Variants in ITGB2 observed in about 807,000 individuals in gnomAD.
ITGB2 encodes integrin subunit beta 2, also known as integrin beta-2.
ITGB2 carries 56 observed loss-of-function variants against 86.8 expected under a neutral mutation model. The observed-to-expected ratio is 0.65, with a 90% CI of 0.52 to 0.81. The LOEUF is 0.81. Among genes scored for constraint, ITGB2 ranks in the 30% least tolerant of loss-of-function variants. The probability of loss-of-function intolerance (pLI) is 0.00; values close to 1 mark genes in which losing one functional copy is unlikely to be tolerated. For missense variants in ITGB2, 948 were observed against 1,061.2 expected (o/e 0.89, Z 1.48); for synonymous variants, 457 against 450.4 (o/e 1.01, Z -0.19).
At chr21:44,888,252 C>T (rs990897992) in intron 14 of ITGB2, among the ~76,000 whole-genome samples, 1 of 152,258 alleles carries the variant, frequency 6.6e-6, no homozygotes, top group Non-Finnish European at 1.5e-5. Context: ...CCCTGGGCCC[C>T]TCCAGGGCTG....
At chr21:44,918,149 G>A (rs542904059) in intron 1 of ITGB2, among the ~76,000 whole-genome samples, 30 of 152,356 alleles carry the variant, frequency 2.0e-4, no homozygotes, top group African/African-American at 6.0e-4. Flanking sequence ...GCTTCCCAGC[G>A]ACCTGGCCTG....
At chr21:44,906,695 G>A (rs533709751) in intron 4 of ITGB2, among the ~76,000 whole-genome samples, 43 of 152,272 alleles carry the variant, frequency 2.8e-4, no homozygotes, top group Admixed American at 2.6e-3. Context: ...ACTGGGCACC[G>A]ATGGTAAGGG....
chr21:44,917,887 C>T (rs1341383176), intron 1 of ITGB2, among the ~76,000 whole-genome samples: 4 of 152,226 alleles, frequency 2.6e-5, no homozygotes, highest in East Asian at 1.9e-4. Flanking sequence ...GGAGAGAACA[C>T]GCAGCCCGGG....
intron 3 of ITGB2, 54 bp from the exon 4 acceptor site, chr21:44,907,149 A>T (rs1158487284): frequency 3.6e-6 from 5 of 1,398,426 alleles, no homozygotes; most frequent in African/African-American, 1.4e-5. Flanking sequence ...GACCTGCAGG[A>T]GGCTGACTGG....
Position 44,919,691 on chromosome 21 carries a change from C to A in ITGB2, c.-4+1130G>T, listed in dbSNP as rs1439525587. On this transcript the variant is annotated intron_variant, in intron 1 of 15. Coordinates refer to ENST00000652462, the MANE Select transcript of ITGB2 (RefSeq NM_000211.5). ...CAGCTCGCTCCCAGGCTGAGCTCTCCGGCCATCCCCCCCCTTCCCCATTGC... is the reference window on the plus strand; with the variant it reads ...CAGCTCGCTCCCAGGCTGAGCTCTCAGGCCATCCCCCCCCTTCCCCATTGC... Among the ~76,000 whole-genome samples the A allele has an allele frequency of 3.9e-5, 6 of 152,208 alleles. No homozygotes were observed. In the South Asian group the frequency reaches 1.2e-3, roughly 31 times the overall value.
chr21:44,907,483 C>T (rs958492296), intron 3 of ITGB2, among the ~76,000 whole-genome samples: 8 of 152,350 alleles, frequency 5.3e-5, no homozygotes, highest in East Asian at 3.9e-4. Flanking sequence ...CCCAAAGGAA[C>T]GTGGCAGTCC....
chr21:44,886,133 C>T lies in ITGB2; in HGVS notation c.*235G>A. ...GAAACACGCACCTAACCTCACCAAC[C>T]TCAAGCCCTCCCTCCTCAAGTCTCC... On this transcript the variant is annotated 3_prime_UTR_variant, in exon 16 of 16. Coordinates refer to ENST00000652462, the MANE Select transcript of ITGB2 (RefSeq NM_000211.5). 1 of 588,428 alleles carries T rather than the reference C, an allele frequency of 1.7e-6. No homozygotes were observed. Among genetic ancestry groups the T allele is most frequent in the Non-Finnish European group, 3.1e-6 (1 of 327,596 alleles). The allele number at this position is 588,428 out of a possible 1,614,324, so 36.5% of individuals were successfully genotyped here.
At chr21:44,922,658 GA>G (rs10532717), upstream of ITGB2, among the ~76,000 whole-genome samples, 7,792 of 114,358 alleles carry the variant, frequency 0.068, 207 homozygotes, top group African/African-American at 0.079. Flanking sequence ...GGGTAACTGA[GA>G]AAAAAAAAAA....
At chr21:44,913,273 C>T (rs996874420) in intron 1 of ITGB2, among the ~76,000 whole-genome samples, 2 of 152,088 alleles carry the variant, frequency 1.3e-5, no homozygotes, top group South Asian at 4.1e-4. Context: ...TCCCTGGGGC[C>T]GCAGACATGA....
At position 44,886,749 on chromosome 21, in the gene ITGB2, G is replaced by C; in HGVS notation, c.2234C>G (p.Ser745Cys). Residue 745 changes from serine (S) to cysteine (C), a missense_variant, in exon 15 of 16, where the codon TCC becomes TGC. Ser to Cys is a moderately radical substitution (Grantham distance 112). Transcript: ENST00000652462. Reference protein sequence around the residue: ...YRRFEKEKLKSQWNNDNPLFK... With the variant: ...YRRFEKEKLKCQWNNDNPLFK... Reference sequence around the variant, plus strand: ...ACGGCCACTTACATTGTTCCACTGGGACTTGAGCTTCTCCTTCTCAAAGCG... The same window carrying C: ...ACGGCCACTTACATTGTTCCACTGGCACTTGAGCTTCTCCTTCTCAAAGCG... 6.2e-7 allele frequency: 1 copy of C among 1,614,100 alleles called. No homozygotes were observed. Among genetic ancestry groups the C allele is most frequent in the Non-Finnish European group, 8.5e-7 (1 of 1,180,026 alleles).
chr21:44,894,054 A>G, intron 9 of ITGB2: 1 of 248,642 alleles, frequency 4.0e-6, no homozygotes, highest in South Asian at 4.7e-5. Flanking sequence ...GACAGACGGA[A>G]ATTGAGAGGA....
chr21:44,886,648 G>T, intron 15 of ITGB2, 88 bp downstream of exon 15: 2 of 1,569,072 alleles, frequency 1.3e-6, no homozygotes, highest in South Asian at 1.1e-5. Flanking sequence ...AGCCACACAC[G>T]GGTGTCCACG....
Position 44,889,995 on chromosome 21 carries a change from T to C in ITGB2, c.1640A>G (p.Gln547Arg). 1 of 1,613,232 alleles carries C rather than the reference T, an allele frequency of 6.2e-7. No homozygotes were observed. The highest frequency in any genetic ancestry group is 8.5e-7 in the Non-Finnish European group (1 of 1,180,006). ...DTINCERYNG[Q>R]VCGGPGRGLC... ...GGGCTCACCCGGGCCGCCGCAGACC[T>C]GGCCGTTGTAGCGCTCACAGTTGAT... Residue 547 changes from glutamine (Q) to arginine (R), a missense_variant, in exon 12 of 16, where the codon CAG becomes CGG. Gln to Arg is a conservative substitution (Grantham distance 43, BLOSUM62 1). Coordinates refer to ENST00000652462, the MANE Select transcript of ITGB2 (RefSeq NM_000211.5).
intron 1 of ITGB2, among the ~76,000 whole-genome samples, chr21:44,915,740 A>G (rs979417439): frequency 1.3e-5 from 2 of 152,220 alleles, no homozygotes; most frequent in African/African-American, 4.8e-5. Context: ...GGCTCCAGGA[A>G]ATCCAGGGAC....
At chr21:44,907,447 A>C (rs553833873) in intron 3 of ITGB2, among the ~76,000 whole-genome samples, 1 of 152,322 alleles carries the variant, frequency 6.6e-6, no homozygotes, top group African/African-American at 2.4e-5. Flanking sequence ...CATCAGCAGA[A>C]CCTTTGTCCA....
At chr21:44,896,857 C>T (rs2083877907) in intron 8 of ITGB2, among the ~76,000 whole-genome samples, 1 of 152,266 alleles carries the variant, frequency 6.6e-6, no homozygotes, top group African/African-American at 2.4e-5. Flanking sequence ...CTCTACCTGC[C>T]TCCAGTGCCT....
At chr21:44,924,102 A>G (rs1233566361), upstream of ITGB2, among the ~76,000 whole-genome samples, 1 of 152,124 alleles carries the variant, frequency 6.6e-6, no homozygotes, top group Non-Finnish European at 1.5e-5. Flanking sequence ...CACAGCCCCA[A>G]ACAGCAAATA....
At position 44,919,771 on chromosome 21, in the gene ITGB2, C is replaced by T. The variant is rs192963880; in HGVS notation, c.-4+1050G>A. Among the ~76,000 whole-genome samples the T allele has an allele frequency of 6.8e-3, 1,031 of 152,308 alleles. 5 individuals are homozygous for T. The highest frequency in any genetic ancestry group is 0.023 in the African/African-American group (967 of 41,570). On this transcript the variant is annotated intron_variant, in intron 1 of 15. Transcript: ENST00000652462. ...AGGAACTGACAGAGGAGAGGGGCCCCGGATGGACAGGGACAGCAGGGCAGA... is the reference window on the plus strand; with the variant it reads ...AGGAACTGACAGAGGAGAGGGGCCCTGGATGGACAGGGACAGCAGGGCAGA...
intron 1 of ITGB2, among the ~76,000 whole-genome samples, chr21:44,912,138 C>T (rs893056844): frequency 6.6e-6 from 1 of 152,238 alleles, no homozygotes; most frequent in Non-Finnish European, 1.5e-5. Context: ...GTCACGGCCT[C>T]CCAGGCTGCT....
Sources: allele counts gnomAD v4.1 joint callset (sites outside exome capture counted in the v4.1 genomes callset), GRCh38; gene constraint gnomAD v4.1.1; transcripts MANE v1.5; gene names NCBI Gene and HGNC (gene_info 2026-07-23, HGNC 2026-07-21).